The following CEP72 variants were observed in gnomAD, a reference collection of about 807,000 sequenced individuals.
CEP72 encodes the protein centrosomal protein 72.
In CEP72, 78 loss-of-function variants were observed where a neutral mutation model predicts 65.7. The ratio of observed to expected loss-of-function variants is 1.19; its 90% confidence interval spans 0.99 to 1.43. The LOEUF is 1.43. Ranked by LOEUF, CEP72 falls within the 40% of genes most tolerant of loss-of-function variation. The probability of loss-of-function intolerance (pLI) is 0.00; values close to 1 mark genes in which losing one functional copy is unlikely to be tolerated. For missense variants in CEP72, 914 were observed against 832.9 expected (o/e 1.10, Z -1.20); for synonymous variants, 358 against 351.7 (o/e 1.02, Z -0.20).
rs1738366882 is a variant in CEP72, at chr5:645,646, A to G, written c.1666+1221A>G. On this transcript the variant is annotated intron_variant, in intron 10 of 11. Transcript: ENST00000264935. This position sits in a 1 kb window ranked among gnomAD's most constrained non-coding sequence, Gnocchi z 4.0. ...CAGGCACCAGCCGCCCTGCTGTGCG[A>G]TGGCATCTGATCAGCACTGGTACCC... Among the ~76,000 whole-genome samples, 1 of 152,192 alleles carries G rather than the reference A, an allele frequency of 6.6e-6. No individual in the cohort carries two copies. The highest frequency in any genetic ancestry group is 1.5e-5 in the Non-Finnish European group (1 of 68,028).
intron 4 of CEP72, among the ~76,000 whole-genome samples, chr5:631,466 G>A (rs1737181580): frequency 1.9e-5 from 1 of 51,662 alleles, no homozygotes; most frequent in Admixed American, 1.9e-4. Flanking sequence ...TCCTGGTGGG[G>A]TTCTGTCCAG....
rs57008613 is a variant in CEP72, at chr5:624,896, C to G, written c.512+317C>G. 0.023 allele frequency among the ~76,000 whole-genome samples: 3,548 copies of G among 152,354 alleles called. 54 individuals carry two copies. Among genetic ancestry groups the G allele is most frequent in the African/African-American group, 0.031 (1,273 of 41,578 alleles). On this transcript the variant is annotated intron_variant, in intron 4 of 11. Coordinates refer to ENST00000264935, the MANE Select transcript of CEP72 (RefSeq NM_018140.4). The surrounding 1 kb of genome is among the most constrained non-coding windows in gnomAD (Gnocchi z 4.7). ...CTCACGTCTGTGGCTGCCTCTGCTT[C>G]CAGCTCTCGCTTCAGCTACTTTCTT...
intron 1 of CEP72, 83 bp from the exon 2 acceptor site, chr5:618,907 C>A: frequency 9.1e-7 from 1 of 1,098,420 alleles, no homozygotes; most frequent in Non-Finnish European, 1.3e-6. Flanking sequence ...GTTTCTACTC[C>A]ATATCCAACA....
exon 3 of CEP72, chr5:665,282 C>T (rs779718455): frequency 8.7e-6 from 14 of 1,612,880 alleles, no homozygotes; most frequent in Admixed American, 5.0e-5. Flanking sequence ...ACACTGTGGG[C>T]GACGAGATGG....
In CEP72 at chr5:642,875, T is replaced by C; in HGVS notation, c.1540-1424T>C. 3.0e-6 allele frequency: 3 copies of C among 985,486 alleles called. No individual in the cohort carries two copies. The African/African-American group carries it at 5.2e-5, about 17-fold the overall frequency. 61.0% of individuals were successfully genotyped at this position (985,486 alleles called of 1,614,324 possible). On this transcript the variant is annotated intron_variant, in intron 9 of 11. Coordinates refer to ENST00000264935, the MANE Select transcript of CEP72 (RefSeq NM_018140.4). Reference sequence around the variant, plus strand: ...AGTTTACTCTGCCACGTGAGGACGCTCATCCCTCGGTCACATGAACCTAGA... The same window carrying C: ...AGTTTACTCTGCCACGTGAGGACGCCCATCCCTCGGTCACATGAACCTAGA...
At chr5:672,952 T>C in the CEP72 span, among the ~76,000 whole-genome samples, 1 of 152,212 alleles carries the variant, frequency 6.6e-6, no homozygotes, top group Non-Finnish European at 1.5e-5. Context: ...GGCTCGCAGA[T>C]ACCCCGAGCT....
rs753648300 is a variant in CEP72 at position 640,566 on chromosome 5, G to A, written c.1501G>A (p.Glu501Lys). ...GCAGCAGCACGCCCGGGAGATGAGC[G>A]AGGTGACGGCGGAGCTGCACCACAC... ...QQQQHAREMS[E>K]VTAELHHTHK... Residue 501 changes from glutamate to lysine, a missense_variant, in exon 9 of 12, where the codon GAG becomes AAG. Transcript: ENST00000264935. 1.2e-5 allele frequency: 19 copies of A among 1,613,830 alleles called. No individual in the cohort carries two copies. The highest frequency in any genetic ancestry group is 6.7e-5 in the Admixed American group (4 of 60,030).
chr5:649,612 C>T (rs1444440916), intron 11 of CEP72, among the ~76,000 whole-genome samples: 3 of 73,336 alleles, frequency 4.1e-5, no homozygotes, highest in African/African-American at 1.7e-4. Flanking sequence ...GAGGCGTGGA[C>T]TGTGAGGCGT....
At chr5:617,519 T>C (rs1438530615) in intron 1 of CEP72, among the ~76,000 whole-genome samples, 1 of 152,132 alleles carries the variant, frequency 6.6e-6, no homozygotes, top group African/African-American at 2.4e-5. Context: ...ACGGAAACCC[T>C]TTTCTTTCAG....
chr5:647,791 T>C lies in CEP72; in HGVS notation c.1667-14T>C, dbSNP rs75058383. ...TACTCATTAATGGTACTTTTTTTTT[T>C]CTTTCTCTTTCAGGACTTCAAACAA... On this transcript the variant is annotated splice_polypyrimidine_tract_variant and intron_variant, in intron 10 of 11. Coordinates refer to ENST00000264935, the MANE Select transcript of CEP72 (RefSeq NM_018140.4). 2 of 1,576,412 alleles carry C rather than the reference T, an allele frequency of 1.3e-6. No homozygotes were observed. The highest frequency in any genetic ancestry group is 1.7e-6 in the Non-Finnish European group (2 of 1,156,810).
chr5:617,217 G>A (rs1018378507), intron 1 of CEP72, among the ~76,000 whole-genome samples: 2 of 152,072 alleles, frequency 1.3e-5, no homozygotes, highest in African/African-American at 2.4e-5. Flanking sequence ...CTCGAGTGCC[G>A]AGGCCCCTGG....
At chr5:627,878 G>C (rs1736854181) in intron 4 of CEP72, among the ~76,000 whole-genome samples, 1 of 152,200 alleles carries the variant, frequency 6.6e-6, no homozygotes, top group Admixed American at 6.5e-5. Flanking sequence ...CACAGAAACT[G>C]ATGAAAAGAA....
At chr5:634,974 C>G (rs1456359876) in intron 5 of CEP72, among the ~76,000 whole-genome samples, 3 of 152,192 alleles carry the variant, frequency 2.0e-5, no homozygotes, top group Admixed American at 1.3e-4. Context: ...TGGCTTGCTG[C>G]AGCCTTTGCC....
intron 5 of CEP72, among the ~76,000 whole-genome samples, chr5:634,628 T>C (rs906465299): frequency 3.9e-5 from 6 of 152,210 alleles, no homozygotes; most frequent in African/African-American, 1.4e-4. Flanking sequence ...TTTATGGCTT[T>C]AATTTGCATC....
At chr5:647,380 G>A (rs1738492719) in intron 10 of CEP72, among the ~76,000 whole-genome samples, 1 of 152,278 alleles carries the variant, frequency 6.6e-6, no homozygotes, top group South Asian at 2.1e-4. Context: ...CAGAGTCAGA[G>A]GGCACTTTGG....
Position 639,167 on chromosome 5 carries a change from CT to C in CEP72, c.1286del (p.Leu429ArgfsTer71). ...GGCGCTCCTGGAGACGCTCTTGGAC[CT>C]GGTGGACAGGAGCTGGGGCGGCTGC... ...QAALLETLLD[L>X]VDRSWGGCRS... is the part of the protein sequence containing the mutation. On this transcript the variant is annotated frameshift_variant, in exon 8 of 12. Transcript: ENST00000264935. LOFTEE classifies it high-confidence loss of function. The C allele has an allele frequency of 6.2e-7, 1 of 1,610,886 alleles. No individual in the cohort carries two copies. Among genetic ancestry groups the C allele is most frequent in the Non-Finnish European group, 8.5e-7 (1 of 1,178,144 alleles).
chr5:675,701 G>C, the CEP72 span: 1 of 154,704 alleles, frequency 6.5e-6, no homozygotes, highest in Non-Finnish European at 1.4e-5. Flanking sequence ...TGGTCCCCTT[G>C]CTCTGGCAGG....
intron 4 of CEP72, among the ~76,000 whole-genome samples, chr5:631,594 T>C (rs374939245): frequency 2.6e-4 from 8 of 30,800 alleles, no homozygotes; most frequent in South Asian, 1.6e-3. Flanking sequence ...TTCTGTCCAG[T>C]GCCGGGATTT....
chr5:675,210 AGCCGGGGGTGCAGTGTG>A, the CEP72 span, among the ~76,000 whole-genome samples: 1 of 28,834 alleles, frequency 3.5e-5, no homozygotes, highest in Non-Finnish European at 6.0e-5. Flanking sequence ...GGTTCAGTGT[AGCCGGGGGTGCAGTGTG>A]GCTGGGGGTG....
Sources: allele counts gnomAD v4.1 joint callset (sites outside exome capture counted in the v4.1 genomes callset), GRCh38; gene constraint gnomAD v4.1.1; non-coding constraint Gnocchi (gnomAD v3.1); transcripts MANE v1.5; gene names NCBI Gene and HGNC (gene_info 2026-07-23, HGNC 2026-07-21).